Variants in REL observed in about 807,000 individuals in gnomAD.
The protein encoded by REL is REL proto-oncogene, NF-kB subunit.
REL carries 15 observed loss-of-function variants against 45.9 expected under a neutral mutation model. The observed-to-expected ratio is 0.33, with a 90% CI of 0.22 to 0.50. The LOEUF is 0.50. Ranked by LOEUF, REL falls within the 20% of genes least tolerant of loss-of-function variation. The probability of loss-of-function intolerance (pLI) is 0.98; values close to 1 mark genes in which losing one functional copy is unlikely to be tolerated. For missense variants in REL, 601 were observed against 715.2 expected (o/e 0.84, Z 1.82); for synonymous variants, 239 against 242.1 (o/e 0.99, Z 0.12).
intron 1 of REL, among the ~76,000 whole-genome samples, chr2:60,889,897 C>A (rs559277595): frequency 6.6e-6 from 1 of 152,050 alleles, no homozygotes; most frequent in Non-Finnish European, 1.5e-5. Context: ...TGAAGAGTGC[C>A]GCAATAAACA....
chr2:60,917,602 T>A (rs1429271704), intron 5 of REL, among the ~76,000 whole-genome samples: 1 of 148,846 alleles, frequency 6.7e-6, no homozygotes, highest in Non-Finnish European at 1.5e-5. Context: ...CAGTCATGGC[T>A]CACTGCATGG....
At chr2:60,912,568 T>G (rs1673849534) in intron 4 of REL, among the ~76,000 whole-genome samples, 1 of 152,102 alleles carries the variant, frequency 6.6e-6, no homozygotes, top group Non-Finnish European at 1.5e-5. Context: ...ATATAAAAGA[T>G]CTTCTGAAGT....
At chr2:60,902,041 A>AAG in intron 4 of REL, among the ~76,000 whole-genome samples, 1 of 152,196 alleles carries the variant, frequency 6.6e-6, no homozygotes, top group Admixed American at 6.6e-5. Flanking sequence ...CTGGCATCCT[A>AAG]TACTTAGAGT....
chr2:60,912,312 T>C (rs1165480631), intron 4 of REL, among the ~76,000 whole-genome samples: 1 of 152,208 alleles, frequency 6.6e-6, no homozygotes. Flanking sequence ...AATGTATGTA[T>C]AGCTCAGATT....
chr2:60,913,729 T>C (rs994175586), intron 4 of REL, among the ~76,000 whole-genome samples: 8 of 152,206 alleles, frequency 5.3e-5, no homozygotes, highest in Non-Finnish European at 1.2e-4. Context: ...TCTTCTCTCA[T>C]ATCTTGGTCG....
intron 4 of REL, among the ~76,000 whole-genome samples, chr2:60,906,613 A>G (rs1673657921): frequency 6.6e-6 from 1 of 151,986 alleles, no homozygotes; most frequent in African/African-American, 2.4e-5. Context: ...CTGAGTGCAC[A>G]CATGCACTTA....
chr2:60,892,962 C>G (rs1217441789), intron 2 of REL, among the ~76,000 whole-genome samples: 1 of 152,086 alleles, frequency 6.6e-6, no homozygotes, highest in African/African-American at 2.4e-5. Flanking sequence ...ACCATGTTAG[C>G]CAGGATGGTC....
At chr2:60,921,688 T>C in intron 9 of REL, 75 bp from the exon 10 acceptor site, 2 of 1,289,384 alleles carry the variant, frequency 1.6e-6, no homozygotes, top group East Asian at 2.4e-5. Context: ...TGTGTGCTTA[T>C]GCAATTTTAA....
intron 5 of REL, among the ~76,000 whole-genome samples, chr2:60,917,718 G>A (rs1389448111): frequency 4.1e-5 from 5 of 120,734 alleles, no homozygotes; most frequent in East Asian, 2.1e-4. Context: ...GTGTGTGTAC[G>A]TGTGTGTGTG....
rs960653199 is a variant in REL at position 60,925,342 on chromosome 2, G to C, written c.*2807G>C. 1 of 191,766 alleles carries C rather than the reference G, an allele frequency of 5.2e-6. No individual in the cohort carries two copies. Among genetic ancestry groups the C allele is most frequent in the African/African-American group, 2.3e-5 (1 of 42,966 alleles). The allele number at this position is 191,766 out of a possible 1,614,324, so 11.9% of individuals were successfully genotyped here. A position where few individuals can be genotyped will look rare whatever the true frequency, so the allele number is the denominator to read the frequency against. ...CTCAGTTAAATGATACTGGGAAATA[G>C]GGAAGACAGCAAAGTGAGACTTGGG... On this transcript the variant is annotated 3_prime_UTR_variant, in exon 10 of 10. Transcript: ENST00000394479.
At chr2:60,898,871 G>C (rs1273799200) in intron 3 of REL, 1 of 152,192 alleles carries the variant, frequency 6.6e-6, no homozygotes, top group Non-Finnish European at 1.5e-5. Flanking sequence ...TTACTTTGCA[G>C]AGTTTTTGGT....
chr2:60,917,439 C>T (rs956453043), intron 5 of REL, among the ~76,000 whole-genome samples: 1 of 151,814 alleles, frequency 6.6e-6, no homozygotes, highest in Non-Finnish European at 1.5e-5. Context: ...TACCCTCTTA[C>T]AAGGCATTTG....
rs1674202404 is a variant in REL, at chr2:60,923,604, C to T, written c.*1069C>T. ...TGGCAATGCCATACTTCTGGTTGCT[C>T]AGGCCAAAAACCCTGAAGTCATCCT... On this transcript the variant is annotated 3_prime_UTR_variant, in exon 10 of 10. Transcript: ENST00000394479. 1 of 232,684 alleles carries T rather than the reference C, an allele frequency of 4.3e-6. No individual in the cohort carries two copies. Among genetic ancestry groups the T allele is most frequent in the African/African-American group, 2.2e-5 (1 of 45,286 alleles). The allele number at this position is 232,684 out of a possible 1,614,324, so 14.4% of individuals were successfully genotyped here. A position where few individuals can be genotyped will look rare whatever the true frequency, so the allele number is the denominator to read the frequency against.
chr2:60,910,051 T>A (rs1241230194), intron 4 of REL, among the ~76,000 whole-genome samples: 1 of 152,250 alleles, frequency 6.6e-6, no homozygotes, highest in Non-Finnish European at 1.5e-5. Flanking sequence ...TAATTCCTGC[T>A]TATGAAAAAT....
At position 60,924,002 on chromosome 2, in the gene REL, TC is replaced by T; in HGVS notation, c.*1469del. The T allele has an allele frequency of 4.3e-6, 1 of 233,100 alleles. No homozygotes were observed. Among genetic ancestry groups the T allele is most frequent in the Non-Finnish European group, 8.5e-6 (1 of 117,966 alleles). The allele number at this position is 233,100 out of a possible 1,614,324, so 14.4% of individuals were successfully genotyped here. ...ACCATATCCCACCTCCTCATGCAGCTCCAGGCACCTTGGCCTCAGTGCTCCT... is the reference window on the plus strand; with the variant it reads ...ACCATATCCCACCTCCTCATGCAGCTCAGGCACCTTGGCCTCAGTGCTCCT... On this transcript the variant is annotated 3_prime_UTR_variant, in exon 10 of 10. Transcript: ENST00000394479.
chr2:60,894,621 G>A (rs987167733), intron 3 of REL, 76 bp downstream of exon 3: 44 of 1,159,504 alleles, frequency 3.8e-5, no homozygotes, highest in Non-Finnish European at 4.9e-5. Flanking sequence ...ATGACAATCT[G>A]TTACTTTTTA....
In REL at chr2:60,924,288, T is replaced by G. The variant is rs1658206219; in HGVS notation, c.*1753T>G. On this transcript the variant is annotated 3_prime_UTR_variant, in exon 10 of 10. Transcript: ENST00000394479. ...CTGTTTGTTTTCCCATACCGAAATA[T>G]AAACTTTCTAAGGACAGAAATTTTT... is the stretch of plus-strand genomic sequence containing the variant. 1 of 222,978 alleles carries G rather than the reference T, an allele frequency of 4.5e-6. No homozygotes were observed. Among genetic ancestry groups the G allele is most frequent in the Admixed American group, 5.7e-5 (1 of 17,436 alleles). 13.8% of individuals were successfully genotyped at this position (222,978 alleles called of 1,614,324 possible). A position where few individuals can be genotyped will look rare whatever the true frequency, so the allele number is the denominator to read the frequency against.
intron 4 of REL, among the ~76,000 whole-genome samples, chr2:60,915,511 A>G (rs1673940570): frequency 6.6e-6 from 1 of 152,262 alleles, no homozygotes; most frequent in African/African-American, 2.4e-5. Flanking sequence ...TGGGATACTT[A>G]TAAATGTTGT....
In REL at chr2:60,924,153, C is replaced by G. The variant is rs1275411231; in HGVS notation, c.*1618C>G. 1 of 231,050 alleles carries G rather than the reference C, an allele frequency of 4.3e-6. No homozygotes were observed. The highest frequency in any genetic ancestry group is 8.6e-6 in the Non-Finnish European group (1 of 116,676). 14.3% of individuals were successfully genotyped at this position (231,050 alleles called of 1,614,324 possible). A position where few individuals can be genotyped will look rare whatever the true frequency, so the allele number is the denominator to read the frequency against. ...TCCTTCAGGTGTCACTCCACTGTTA[C>G]CTGAGCAGGTCGTCCTTGAATATAT... On this transcript the variant is annotated 3_prime_UTR_variant, in exon 10 of 10. Coordinates refer to ENST00000394479, the MANE Select transcript of REL (RefSeq NM_001291746.2).
Sources: gnomAD v4.1 joint callset for allele counts (sites outside exome capture counted in the v4.1 genomes callset) on GRCh38, gnomAD v4.1.1 for gene constraint, MANE v1.5 for transcripts, NCBI Gene and HGNC (gene_info 2026-07-23, HGNC 2026-07-21) for gene names.